The following CLDN1 variants were observed in gnomAD, a reference collection of about 807,000 sequenced individuals.
The protein encoded by CLDN1 is claudin-1.
Under a neutral mutation model 22.6 loss-of-function variants are expected in CLDN1, and 12 were observed. That is an observed-to-expected ratio of 0.53 (90% CI 0.34 to 0.86). CLDN1 has a LOEUF of 0.86. CLDN1 is among the 40% of genes least tolerant of loss of function. CLDN1 has a pLI of 0.02. For synonymous variants in CLDN1, 99 were observed against 103.8 expected, an observed-to-expected ratio of 0.95 and a Z score of 0.28; for missense variants, 250 against 269.5, an observed-to-expected ratio of 0.93 and a Z score of 0.51.
At chr3:190,318,073 C>A (rs779082180) in intron 1 of CLDN1, among the ~76,000 whole-genome samples, 1 of 152,146 alleles carries the variant, frequency 6.6e-6, no homozygotes, top group Admixed American at 6.5e-5. Flanking sequence ...TTTACTTTTA[C>A]GGAAGTTCAA....
chr3:190,321,481 G>A (rs1577393224), intron 1 of CLDN1, among the ~76,000 whole-genome samples: 1 of 152,266 alleles, frequency 6.6e-6, no homozygotes. Context: ...TTTCCAGTAG[G>A]AATGTAACTT....
chr3:190,311,136 G>A (rs1398881988), intron 2 of CLDN1, among the ~76,000 whole-genome samples: 1 of 152,152 alleles, frequency 6.6e-6, no homozygotes, highest in Non-Finnish European at 1.5e-5. Context: ...AATAGACCAT[G>A]CGAATGGTCT....
chr3:190,317,387 A>ATCATTTT (rs1207809618), intron 1 of CLDN1, among the ~76,000 whole-genome samples: 1 of 152,222 alleles, frequency 6.6e-6, no homozygotes, highest in Non-Finnish European at 1.5e-5. Context: ...AGGAGTTCTC[A>ATCATTTT]TCATTTTCCA....
Position 190,310,166 on chromosome 3 carries a change from T to C in CLDN1, c.473+3A>G, listed in dbSNP as rs2108606811. On this transcript the variant is annotated splice_donor_region_variant and intron_variant, in intron 3 of 3. Transcript: ENST00000295522. ...AAACTATTTTACGCCTGAATAGCGTTACCTGGCATTGACTGGGGTCATAGG... is the reference window on the plus strand; with the variant it reads ...AAACTATTTTACGCCTGAATAGCGTCACCTGGCATTGACTGGGGTCATAGG... The C allele has an allele frequency of 6.2e-7, 1 of 1,612,148 alleles. No individual in the cohort carries two copies. Among genetic ancestry groups the C allele is most frequent in the Non-Finnish European group, 8.5e-7 (1 of 1,178,350 alleles).
In CLDN1 at chr3:190,309,500, T is replaced by G. The variant is rs535639949; in HGVS notation, c.473+669A>C. ...ATTATATTTTAACATCCTGACTGAA[T>G]GTAGTTATTAGGCATTAAAGATGTG... is the stretch of plus-strand genomic sequence containing the variant. On this transcript the variant is annotated intron_variant, in intron 3 of 3. Coordinates refer to ENST00000295522, the MANE Select transcript of CLDN1 (RefSeq NM_021101.5). Among the ~76,000 whole-genome samples the G allele has an allele frequency of 3.9e-5, 6 of 152,342 alleles. No homozygotes were observed. The South Asian group carries it at 1.2e-3, about 32-fold the overall frequency.
rs1386645944 is a variant in CLDN1, at chr3:190,306,535, T to G, written c.*1742A>C. 1 of 152,456 alleles carries G rather than the reference T, an allele frequency of 6.6e-6. No individual in the cohort carries two copies. Among genetic ancestry groups the G allele is most frequent in the East Asian group, 1.9e-4 (1 of 5,198 alleles). 9.4% of individuals were successfully genotyped at this position (152,456 alleles called of 1,614,324 possible). ...TCACTGGATCCCCACAACATCACTG[T>G]GAGGTGGGAAGATCAGGAATTACAA... On this transcript the variant is annotated 3_prime_UTR_variant, in exon 4 of 4. Transcript: ENST00000295522.
At chr3:190,319,525 T>G (rs534884989) in intron 1 of CLDN1, among the ~76,000 whole-genome samples, 1 of 152,344 alleles carries the variant, frequency 6.6e-6, no homozygotes, top group South Asian at 2.1e-4. Context: ...AGATACTTTA[T>G]GAAGGTCATA....
intron 2 of CLDN1, 75 bp downstream of exon 2, chr3:190,312,797 G>T: frequency 1.3e-6 from 2 of 1,532,892 alleles, no homozygotes; most frequent in Non-Finnish European, 1.8e-6. Context: ...CAAGTATAAT[G>T]AATCCAACGT....
At chr3:190,314,113 A>G (rs1716699521) in intron 1 of CLDN1, among the ~76,000 whole-genome samples, 2 of 152,212 alleles carry the variant, frequency 1.3e-5, no homozygotes, top group Non-Finnish European at 2.9e-5. Flanking sequence ...ATTGTTTGGA[A>G]TAATATTTCA....
intron 2 of CLDN1, among the ~76,000 whole-genome samples, chr3:190,312,669 C>A (rs1018215412): frequency 6.6e-6 from 1 of 152,214 alleles, no homozygotes; most frequent in African/African-American, 2.4e-5. Context: ...GAAACTTCAA[C>A]CAATAGACCT....
At chr3:190,319,536 T>G (rs1716861365) in intron 1 of CLDN1, among the ~76,000 whole-genome samples, 2 of 152,188 alleles carry the variant, frequency 1.3e-5, no homozygotes, top group South Asian at 4.1e-4. Context: ...GAAGGTCATA[T>G]GCTTTTTATG....
At chr3:190,321,488 A>T (rs1251824164) in intron 1 of CLDN1, among the ~76,000 whole-genome samples, 1 of 152,240 alleles carries the variant, frequency 6.6e-6, no homozygotes, top group Non-Finnish European at 1.5e-5. Flanking sequence ...TAGGAATGTA[A>T]CTTTTACTAT....
chr3:190,313,218 C>G, intron 1 of CLDN1, 182 bp from the exon 2 acceptor site: 1 of 612,802 alleles, frequency 1.6e-6, no homozygotes, highest in Non-Finnish European at 2.8e-6. Context: ...TCCAGAAAAA[C>G]AAATGCCAGG....
chr3:190,311,322 G>A (rs972780300), intron 2 of CLDN1, among the ~76,000 whole-genome samples: 5 of 152,136 alleles, frequency 3.3e-5, no homozygotes, highest in South Asian at 4.1e-4. Flanking sequence ...ATTACTATTC[G>A]CAGCCTTTGA....
rs1716480674 is a variant in CLDN1 at position 190,307,301 on chromosome 3, CAA to C, written c.*974_*975del. 1 of 152,070 alleles carries C rather than the reference CAA, an allele frequency of 6.6e-6. No homozygotes were observed. Among genetic ancestry groups the C allele is most frequent in the Non-Finnish European group, 1.5e-5 (1 of 68,010 alleles). 9.4% of individuals were successfully genotyped at this position (152,070 alleles called of 1,614,324 possible). A position where few individuals can be genotyped will look rare whatever the true frequency, so the allele number is the denominator to read the frequency against. On this transcript the variant is annotated 3_prime_UTR_variant, in exon 4 of 4. Transcript: ENST00000295522. ...CGCATGATAATTACACTTGGGAAAACAATACAATTAAGGAATGGGGAACAAAA... is the reference window on the plus strand; with the variant it reads ...CGCATGATAATTACACTTGGGAAAACTACAATTAAGGAATGGGGAACAAAA...
intron 1 of CLDN1, chr3:190,313,258 C>T: frequency 3.6e-6 from 2 of 550,038 alleles, no homozygotes; most frequent in South Asian, 4.4e-5. Context: ...TCCCTCCACT[C>T]CAATATTTTA....
At chr3:190,317,457 G>A (rs1366813370) in intron 1 of CLDN1, among the ~76,000 whole-genome samples, 9 of 152,134 alleles carry the variant, frequency 5.9e-5, no homozygotes, top group Non-Finnish European at 7.4e-5. Context: ...GACAAGAAGT[G>A]AGTTGGAAGT....
chr3:190,314,609 G>A (rs1716716215), intron 1 of CLDN1, among the ~76,000 whole-genome samples: 1 of 149,870 alleles, frequency 6.7e-6, no homozygotes, highest in Non-Finnish European at 1.5e-5. Context: ...TCACCATGTT[G>A]CCCAGGATGG....
intron 1 of CLDN1, 48 bp from the exon 2 acceptor site, chr3:190,313,084 A>C (rs747759944): frequency 1.9e-6 from 3 of 1,609,112 alleles, no homozygotes; most frequent in Non-Finnish European, 2.6e-6. Context: ...TGGACCAACA[A>C]GAGAAAAATG....
Sources: allele counts gnomAD v4.1 joint callset (sites outside exome capture counted in the v4.1 genomes callset), GRCh38; gene constraint gnomAD v4.1.1; transcripts MANE v1.5; gene names NCBI Gene and HGNC (gene_info 2026-07-23, HGNC 2026-07-21).